Variants in SPATA6 observed in about 807,000 individuals in gnomAD.
The protein encoded by SPATA6 is spermatogenesis-associated protein 6.
A neutral mutation model predicts 65.3 loss-of-function variants in SPATA6; 56 were observed. The ratio of observed to expected loss-of-function variants is 0.86; its 90% CI spans 0.69 to 1.07. SPATA6 has a LOEUF of 1.07. SPATA6 is among the 50% of genes least tolerant of loss of function. The probability of loss-of-function intolerance (pLI) is 0.00; values close to 1 mark genes in which losing one functional copy is unlikely to be tolerated. For synonymous variants in SPATA6, 199 were observed against 213.2 expected, an observed-to-expected ratio of 0.93 and a Z score of 0.58; for missense variants, 590 against 594.8, an observed-to-expected ratio of 0.99 and a Z score of 0.08.
Position 48,325,047 on chromosome 1 carries a change from C to A in SPATA6, c.1195-19169G>T, listed in dbSNP as rs997695028. 2.2e-5 allele frequency: 7 copies of A among 323,768 alleles called. No homozygotes were observed. In the Admixed American group the frequency reaches 2.2e-4, roughly 10 times the overall value. The allele number at this position is 323,768 out of a possible 1,614,324, so 20.1% of individuals were successfully genotyped here. A position where few individuals can be genotyped will look rare whatever the true frequency, so the allele number is the denominator to read the frequency against. On this transcript the variant is annotated intron_variant, in intron 11 of 12. Transcript: ENST00000371847. Reference sequence around the variant, plus strand: ...CATCAACCTTCCACCCCATTCCCACCCAATCCCACATTTCTCCATGACCAA... The same window carrying A: ...CATCAACCTTCCACCCCATTCCCACACAATCCCACATTTCTCCATGACCAA...
intron 11 of SPATA6, among the ~76,000 whole-genome samples, chr1:48,314,623 T>C (rs1345314263): frequency 6.6e-6 from 1 of 151,878 alleles, no homozygotes; most frequent in African/African-American, 2.4e-5. Context: ...AACATCACAA[T>C]TAAAAGAACT....
chr1:48,431,344 T>C (rs970491888), intron 3 of SPATA6, among the ~76,000 whole-genome samples: 1 of 152,054 alleles, frequency 6.6e-6, no homozygotes, highest in African/African-American at 2.4e-5. Flanking sequence ...CCACTCTAAA[T>C]AATGGTTAAA....
At position 48,355,656 on chromosome 1, in the gene SPATA6, T is replaced by C; in HGVS notation, c.1194+14A>G. ...ATTATAAATAGTCTTCAAAAAAAAA[T>C]TTTAGAAACTAACATATAAATGTCT... On this transcript the variant is annotated intron_variant, in intron 11 of 12. Transcript: ENST00000371847. 1 of 1,577,798 alleles carries C rather than the reference T, an allele frequency of 6.3e-7. No homozygotes were observed. Among genetic ancestry groups the C allele is most frequent in the Non-Finnish European group, 8.7e-7 (1 of 1,156,062 alleles).
intron 11 of SPATA6, among the ~76,000 whole-genome samples, chr1:48,344,553 G>A (rs1472569874): frequency 6.6e-6 from 1 of 152,044 alleles, no homozygotes. Flanking sequence ...ATCTAAATGG[G>A]CTAAGTGCCC....
chr1:48,323,348 C>T (rs1337047423), intron 11 of SPATA6, among the ~76,000 whole-genome samples: 3 of 148,108 alleles, frequency 2.0e-5, no homozygotes, highest in African/African-American at 7.5e-5. Flanking sequence ...TGTTCTCACT[C>T]ATATGTGGGA....
At chr1:48,351,280 G>T (rs1156280922) in intron 11 of SPATA6, among the ~76,000 whole-genome samples, 1 of 151,790 alleles carries the variant, frequency 6.6e-6, no homozygotes, top group African/African-American at 2.4e-5. Flanking sequence ...CATATCTTCT[G>T]CAAATACAGT....
chr1:48,436,612 C>T (rs959896246), intron 3 of SPATA6: 3 of 1,613,758 alleles, frequency 1.9e-6, no homozygotes, highest in Admixed American at 3.3e-5. Flanking sequence ...TGGACAGAGG[C>T]ATAGGGCTGT....
At chr1:48,461,037 T>C (rs1439778526) in intron 1 of SPATA6, among the ~76,000 whole-genome samples, 1 of 152,098 alleles carries the variant, frequency 6.6e-6, no homozygotes, top group Non-Finnish European at 1.5e-5. Flanking sequence ...ACATATCTAA[T>C]AGTACTGCCA....
At chr1:48,395,506 T>G (rs1650504998) in intron 7 of SPATA6, 152 bp from the exon 8 acceptor site, 1 of 430,934 alleles carries the variant, frequency 2.3e-6, no homozygotes, top group Non-Finnish European at 3.9e-6. Flanking sequence ...TCCAAAGAGT[T>G]TATTCAAGTA....
intron 9 of SPATA6, among the ~76,000 whole-genome samples, chr1:48,363,947 C>T (rs1478830211): frequency 1.3e-5 from 2 of 151,962 alleles, no homozygotes; most frequent in Non-Finnish European, 2.9e-5. Flanking sequence ...GCTATCCCTC[C>T]CCCCTTCCCC....
chr1:48,385,454 A>C (rs112881124), intron 8 of SPATA6, 105 bp from the exon 9 acceptor site: 3 of 976,674 alleles, frequency 3.1e-6, no homozygotes, highest in Non-Finnish European at 4.4e-6. Flanking sequence ...AATATTTCAG[A>C]GATACTTCAA....
chr1:48,261,548 T>G, the SPATA6 span, among the ~76,000 whole-genome samples: 6 of 152,096 alleles, frequency 3.9e-5, no homozygotes, highest in Non-Finnish European at 7.4e-5. Flanking sequence ...ATCACTACTT[T>G]TTAAGTTAGT....
At position 48,453,197 on chromosome 1, in the gene SPATA6, A is replaced by T; in HGVS notation, c.52-66T>A. 5.4e-6 allele frequency: 8 copies of T among 1,482,488 alleles called. No homozygotes were observed. The South Asian group carries it at 9.4e-5, about 17-fold the overall frequency. 91.8% of individuals were successfully genotyped at this position (1,482,488 alleles called of 1,614,324 possible). On this transcript the variant is annotated intron_variant, in intron 1 of 12. Transcript: ENST00000371847. ...ATTCCCTGAACTATCCTACTAAAAT[A>T]ACTTATCAAATATTACATAAAAACA...
At chr1:48,331,631 A>C (rs1570158111) in intron 11 of SPATA6, among the ~76,000 whole-genome samples, 1 of 152,246 alleles carries the variant, frequency 6.6e-6, no homozygotes, top group Non-Finnish European at 1.5e-5. Context: ...GGAGAAAGGA[A>C]GCAACCTGGA....
At chr1:48,354,119 A>G (rs1570263706) in intron 11 of SPATA6, among the ~76,000 whole-genome samples, 1 of 152,158 alleles carries the variant, frequency 6.6e-6, no homozygotes, top group African/African-American at 2.4e-5. Flanking sequence ...TTCACTCGTC[A>G]CTGGACACAG....
chr1:48,420,245 C>T (rs1415321874), intron 3 of SPATA6, among the ~76,000 whole-genome samples: 1 of 152,158 alleles, frequency 6.6e-6, no homozygotes, highest in African/African-American at 2.4e-5. Context: ...AAGCTCCGTG[C>T]CCCTTCTACT....
In SPATA6 at chr1:48,415,927, G is replaced by T. The variant is rs182690589; in HGVS notation, c.239-2776C>A. On this transcript the variant is annotated intron_variant, in intron 3 of 12. Transcript: ENST00000371847. ...AGACAAAAGAAAACTCTTGCGCCAG[G>T]CACGGTGGCTCACACCTATAATCCC... 1.6e-4 allele frequency among the ~76,000 whole-genome samples: 24 copies of T among 152,242 alleles called. No individual in the cohort carries two copies. In the East Asian group the frequency reaches 3.3e-3, roughly 21 times the overall value.
intron 11 of SPATA6, among the ~76,000 whole-genome samples, chr1:48,311,417 C>CTA (rs1645204029): frequency 6.6e-6 from 1 of 151,582 alleles, no homozygotes; most frequent in Non-Finnish European, 1.5e-5. Context: ...TAATTGTAAA[C>CTA]CAAAATAATT....
At chr1:48,470,764 G>C (rs748923553) in intron 1 of SPATA6, among the ~76,000 whole-genome samples, 16 of 152,088 alleles carry the variant, frequency 1.1e-4, no homozygotes, top group Non-Finnish European at 2.1e-4. Context: ...TGGCCAGTAG[G>C]GTGTACAGGA....
Sources: gnomAD v4.1 joint callset for allele counts (sites outside exome capture counted in the v4.1 genomes callset) on GRCh38, gnomAD v4.1.1 for gene constraint, MANE v1.5 for transcripts, NCBI Gene and HGNC (gene_info 2026-07-23, HGNC 2026-07-21) for gene names.